The following CCSER1 variants were observed in gnomAD, a reference collection of about 807,000 sequenced individuals.
CCSER1 encodes the protein serine-rich coiled-coil domain-containing protein 1.
A neutral mutation model predicts 82.0 loss-of-function variants in CCSER1; 41 were observed. The ratio of observed to expected loss-of-function variants is 0.50; its 90% CI spans 0.39 to 0.65. The LOEUF (loss-of-function observed/expected upper bound fraction) is 0.65. CCSER1 is among the 30% of genes least tolerant of loss of function. The pLI is 0.00. For missense variants in CCSER1, 1,119 were observed against 1,064.2 expected, an observed-to-expected ratio of 1.05 and a Z score of -0.72; for synonymous variants, 414 against 383.9, an observed-to-expected ratio of 1.08 and a Z score of -0.92.
intron 10 of CCSER1, among the ~76,000 whole-genome samples, chr4:91,146,414 A>G (rs908995072): frequency 2.0e-5 from 3 of 152,108 alleles, no homozygotes; most frequent in Non-Finnish European, 4.4e-5. Context: ...TCTGAATTTT[A>G]TGTCTGTCAT....
intron 10 of CCSER1, among the ~76,000 whole-genome samples, chr4:91,105,746 T>G (rs1725548079): frequency 6.6e-6 from 1 of 152,000 alleles, no homozygotes; most frequent in East Asian, 1.9e-4. Flanking sequence ...AAAATAACCC[T>G]TGTAAACAGT....
chr4:90,753,538 GAATATATA>G (rs1303559878), intron 7 of CCSER1, among the ~76,000 whole-genome samples: 1 of 151,990 alleles, frequency 6.6e-6, no homozygotes, highest in Non-Finnish European at 1.5e-5. Context: ...TCTGTGTTGA[GAATATATA>G]AATATATTCC....
intron 1 of CCSER1, among the ~76,000 whole-genome samples, chr4:90,233,241 A>G (rs1471547482): frequency 6.6e-6 from 1 of 152,126 alleles, no homozygotes; most frequent in Non-Finnish European, 1.5e-5. Flanking sequence ...CAACAATGAT[A>G]GACTGGATTA....
chr4:90,967,623 A>T (rs1261178474), intron 9 of CCSER1, among the ~76,000 whole-genome samples: 1 of 152,114 alleles, frequency 6.6e-6, no homozygotes, highest in African/African-American at 2.4e-5. Context: ...TAAATGAGTA[A>T]ATCCAATAAT....
At chr4:90,248,782 C>T (rs905545986) in intron 1 of CCSER1, among the ~76,000 whole-genome samples, 3 of 151,596 alleles carry the variant, frequency 2.0e-5, no homozygotes, top group South Asian at 2.1e-4. Flanking sequence ...ACTGAAGCCT[C>T]GACCTTCTAG....
At position 90,790,375 on chromosome 4, in the gene CCSER1, G is replaced by A. The variant is rs924480167; in HGVS notation, c.2011-25387G>A. Among the ~76,000 whole-genome samples the A allele has an allele frequency of 2.0e-5, 3 of 151,930 alleles. No homozygotes were observed. The East Asian group carries it at 5.8e-4, about 29-fold the overall frequency. ...GTTATGGAATAAATGACTATGATTT[G>A]GTTTCTTTTGGTTTCTCTTTGCCAA... On this transcript the variant is annotated intron_variant, in intron 7 of 10. Coordinates refer to ENST00000509176, the MANE Select transcript of CCSER1 (RefSeq NM_001145065.2).
intron 10 of CCSER1, among the ~76,000 whole-genome samples, chr4:91,490,873 CATATATATATATATATAT>C (rs778476142): frequency 0.076 from 1,247 of 16,384 alleles, 74 homozygotes; most frequent in Non-Finnish European, 0.14. Context: ...TCAGGCACTC[CATATATATATATATATAT>C]ATATATATAT....
intron 10 of CCSER1, among the ~76,000 whole-genome samples, chr4:91,143,800 C>A (rs1036932808): frequency 2.0e-5 from 3 of 151,902 alleles, no homozygotes; most frequent in Non-Finnish European, 2.9e-5. Context: ...CATGTTGAAC[C>A]CACATTGCAT....
intron 5 of CCSER1, among the ~76,000 whole-genome samples, chr4:90,609,444 A>T (rs1418447820): frequency 2.0e-5 from 3 of 151,496 alleles, no homozygotes; most frequent in Non-Finnish European, 4.4e-5. Flanking sequence ...TACTATATCA[A>T]TAATACACAA....
At chr4:91,231,155 A>T (rs1021874636) in intron 10 of CCSER1, among the ~76,000 whole-genome samples, 2 of 151,926 alleles carry the variant, frequency 1.3e-5, no homozygotes, top group Non-Finnish European at 2.9e-5. Flanking sequence ...GACGGTATTC[A>T]TTGTGGCATT....
intron 7 of CCSER1, 75 bp downstream of exon 7, chr4:90,724,066 G>A (rs1313161351): frequency 2.2e-6 from 2 of 910,776 alleles, no homozygotes; most frequent in Non-Finnish European, 1.7e-6. Flanking sequence ...TAGTTTATGT[G>A]TAGATGGTGA....
At chr4:90,841,557 G>A (rs1418677801) in intron 8 of CCSER1, among the ~76,000 whole-genome samples, 1 of 135,014 alleles carries the variant, frequency 7.4e-6, no homozygotes, top group African/African-American at 2.8e-5. Context: ...CAGCCTGGGC[G>A]ACAGACCGAG....
At chr4:90,646,828 G>A (rs2132834) in intron 6 of CCSER1, among the ~76,000 whole-genome samples, 45,144 of 151,876 alleles carry the variant, frequency 0.3, 7,212 homozygotes, top group African/African-American at 0.41. Context: ...ACTTTCCTAG[G>A]GTAGTAGAAG....
chr4:90,617,789 T>C (rs568478654), intron 5 of CCSER1, among the ~76,000 whole-genome samples: 1 of 152,298 alleles, frequency 6.6e-6, no homozygotes, highest in African/African-American at 2.4e-5. Context: ...TCTGTCTTCA[T>C]GTTATCCCTT....
intron 7 of CCSER1, chr4:90,780,396 G>A (rs1416659184): frequency 1.9e-6 from 3 of 1,583,200 alleles, no homozygotes; most frequent in Admixed American, 1.7e-5. Context: ...AAAATGCTGA[G>A]TTGGTAGAAT....
At chr4:91,483,973 G>C (rs1758087128) in intron 10 of CCSER1, among the ~76,000 whole-genome samples, 1 of 149,566 alleles carries the variant, frequency 6.7e-6, no homozygotes, top group African/African-American at 2.5e-5. Context: ...ATTTTCTTTG[G>C]AATGTTCCTT....
intron 3 of CCSER1, among the ~76,000 whole-genome samples, chr4:90,348,618 A>G (rs566768725): frequency 2.0e-5 from 3 of 152,274 alleles, no homozygotes; most frequent in African/African-American, 7.2e-5. Context: ...TATTAAGACA[A>G]TTGTTCATTT....
chr4:91,223,300 C>T (rs2149103201), intron 10 of CCSER1, among the ~76,000 whole-genome samples: 1 of 151,954 alleles, frequency 6.6e-6, no homozygotes, highest in East Asian at 1.9e-4. Context: ...CTGAAAAGTG[C>T]ATTGTAGACA....
chr4:90,379,450 G>T (rs1341320277), intron 3 of CCSER1, among the ~76,000 whole-genome samples: 1 of 152,194 alleles, frequency 6.6e-6, no homozygotes, highest in Non-Finnish European at 1.5e-5. Flanking sequence ...CCTCGCGTCA[G>T]ATAACAATGT....
Sources: allele counts gnomAD v4.1 joint callset (sites outside exome capture counted in the v4.1 genomes callset), GRCh38; gene constraint gnomAD v4.1.1; transcripts MANE v1.5; gene names NCBI Gene and HGNC (gene_info 2026-07-23, HGNC 2026-07-21).